The following SLC7A14 variants were observed in gnomAD, a reference collection of about 807,000 sequenced individuals.
SLC7A14 encodes gamma-aminobutyric acid transporter SLC7A14.
SLC7A14 carries 37 observed loss-of-function variants against 60.2 expected under a neutral mutation model. The ratio of observed to expected loss-of-function variants is 0.61; its 90% CI spans 0.47 to 0.81. SLC7A14 has a LOEUF of 0.81. SLC7A14 is among the 30% of genes least tolerant of loss of function. The pLI, the probability that SLC7A14 is intolerant of heterozygous loss-of-function variation, is 0.00. For missense variants in SLC7A14, 886 were observed against 982.7 expected (o/e 0.90, Z 1.32); for synonymous variants, 399 against 395.8 (o/e 1.01, Z -0.10).
intron 2 of SLC7A14, among the ~76,000 whole-genome samples, chr3:170,515,312 G>GCA (rs1553869884): frequency 8.8e-6 from 1 of 113,348 alleles, no homozygotes; most frequent in African/African-American, 3.0e-5. Flanking sequence ...GACTCTGTCC[G>GCA]CCCCCCCCAA....
intron 4 of SLC7A14, chr3:170,496,336 G>A: frequency 5.1e-6 from 6 of 1,165,068 alleles, no homozygotes; most frequent in South Asian, 4.9e-5. Flanking sequence ...GACCTGCGGT[G>A]TACAAAGACT....
rs553513813 is a variant in SLC7A14 at position 170,505,202 on chromosome 3, G to A, written c.305-3857C>T. Reference sequence around the variant, plus strand: ...TCTCTTGTTTGGTTTGGAATTTACCGACTTGATCATCATTTTGGAAGACCA... The same window carrying A: ...TCTCTTGTTTGGTTTGGAATTTACCAACTTGATCATCATTTTGGAAGACCA... On this transcript the variant is annotated intron_variant, in intron 2 of 7. Coordinates refer to ENST00000231706, the MANE Select transcript of SLC7A14 (RefSeq NM_020949.3). Among the ~76,000 whole-genome samples the A allele has an allele frequency of 7.2e-5, 11 of 151,994 alleles. 1 individual carries two copies. Among genetic ancestry groups the A allele is most frequent in the South Asian group, 6.2e-4 (3 of 4,810 alleles).
At chr3:170,496,683 C>T (rs1343970331) in intron 4 of SLC7A14, 2 of 1,051,208 alleles carry the variant, frequency 1.9e-6, no homozygotes, top group Admixed American at 1.7e-5. Flanking sequence ...AGACCACCAG[C>T]GGCTATGCAG....
At chr3:170,501,381 A>G in intron 2 of SLC7A14, 36 bp from the exon 3 acceptor site, 1 of 1,570,250 alleles carries the variant, frequency 6.4e-7, no homozygotes, top group Non-Finnish European at 8.8e-7. Flanking sequence ...GGTGGACTTC[A>G]GGAGATGAGC....
chr3:170,484,701 T>C (rs36006402), intron 5 of SLC7A14, among the ~76,000 whole-genome samples: 83,760 of 152,120 alleles, frequency 0.55, 24,284 homozygotes, highest in Middle Eastern at 0.67. Flanking sequence ...CCAGCAACCT[T>C]GTTCTTCTCA....
intron 2 of SLC7A14, among the ~76,000 whole-genome samples, chr3:170,510,722 C>T (rs16855189): frequency 0.014 from 2,201 of 152,282 alleles, 61 homozygotes; most frequent in African/African-American, 0.051. Context: ...CAGATTGGTC[C>T]TTCTTCATTG....
At chr3:170,582,486 C>T (rs1417907344) in intron 1 of SLC7A14, among the ~76,000 whole-genome samples, 1 of 152,184 alleles carries the variant, frequency 6.6e-6, no homozygotes, top group South Asian at 2.1e-4. Context: ...CTAGCAACTA[C>T]CATGTTGGAC....
rs1044254806 is a variant in SLC7A14, at chr3:170,585,477, G to T, written c.-153+434C>A. 8.5e-5 allele frequency among the ~76,000 whole-genome samples: 13 copies of T among 152,204 alleles called. No individual in the cohort carries two copies. Among genetic ancestry groups the T allele is most frequent in the Admixed American group, 7.8e-4 (12 of 15,290 alleles). ...ATGGTCTCGGTCCGAGGCGGAGAAC[G>T]GAGCTGCCCGTGCGGGGTGCGCGCC... On this transcript the variant is annotated intron_variant, in intron 1 of 7. Coordinates refer to ENST00000231706, the MANE Select transcript of SLC7A14 (RefSeq NM_020949.3). The surrounding 1 kb of genome is among the most constrained non-coding windows in gnomAD (Gnocchi z 5.1).
chr3:170,577,574 C>T (rs148221799), intron 1 of SLC7A14, among the ~76,000 whole-genome samples: 1,896 of 143,898 alleles, frequency 0.013, 43 homozygotes, highest in African/African-American at 0.047. Context: ...GCCGAGATTG[C>T]GCCACTGCAG....
chr3:170,565,483 C>T (rs1043225685), intron 1 of SLC7A14, among the ~76,000 whole-genome samples: 1 of 152,136 alleles, frequency 6.6e-6, no homozygotes, highest in Non-Finnish European at 1.5e-5. Flanking sequence ...TAAGCTAGAA[C>T]AAGATTTGTG....
At position 170,535,163 on chromosome 3, in the gene SLC7A14, C is replaced by T. The variant is rs1713800957; in HGVS notation, c.-152-8075G>A. On this transcript the variant is annotated intron_variant, in intron 1 of 7. Coordinates refer to ENST00000231706, the MANE Select transcript of SLC7A14 (RefSeq NM_020949.3). This position sits in a 1 kb window ranked among gnomAD's most constrained non-coding sequence, Gnocchi z 4.3. ...GGCCACAGTCTGGCATCACCTTCCA[C>T]TCTTCTCCCGCAGATCAGGGTCTCC... Among the ~76,000 whole-genome samples the T allele has an allele frequency of 6.6e-6, 1 of 151,970 alleles. No individual in the cohort carries two copies. Among genetic ancestry groups the T allele is most frequent in the South Asian group, 2.1e-4 (1 of 4,820 alleles).
intron 2 of SLC7A14, among the ~76,000 whole-genome samples, chr3:170,520,530 G>T (rs1713312228): frequency 6.6e-6 from 1 of 152,156 alleles, no homozygotes; most frequent in Non-Finnish European, 1.5e-5. Flanking sequence ...CATGGTAGGA[G>T]CCCAATACAT....
intron 2 of SLC7A14, among the ~76,000 whole-genome samples, chr3:170,504,768 G>A (rs890318058): frequency 2.0e-5 from 3 of 152,134 alleles, no homozygotes; most frequent in African/African-American, 7.2e-5. Flanking sequence ...TACAGCTAAA[G>A]TCAACTCTTA....
Position 170,483,621 on chromosome 3 carries a change from G to C in SLC7A14, c.907-99C>G, listed in dbSNP as rs1288385108. On this transcript the variant is annotated intron_variant, in intron 5 of 7. Coordinates refer to ENST00000231706, the MANE Select transcript of SLC7A14 (RefSeq NM_020949.3). ...AAAGAGCCCTGCCCCTGGAGGCAGAGGCTTGCATGGCAGTTTGGATCCATT... is the reference window on the plus strand; with the variant it reads ...AAAGAGCCCTGCCCCTGGAGGCAGACGCTTGCATGGCAGTTTGGATCCATT... 2.4e-6 allele frequency: 3 copies of C among 1,275,364 alleles called. No homozygotes were observed. The South Asian group carries it at 3.8e-5, about 16-fold the overall frequency. 79.0% of individuals were successfully genotyped at this position (1,275,364 alleles called of 1,614,324 possible). A position where few individuals can be genotyped will look rare whatever the true frequency, so the allele number is the denominator to read the frequency against.
chr3:170,556,618 G>A (rs1323135275), intron 1 of SLC7A14, among the ~76,000 whole-genome samples: 3 of 152,128 alleles, frequency 2.0e-5, no homozygotes, highest in South Asian at 2.1e-4. Context: ...AAAAAAGTTG[G>A]ATGTGCAGGG....
intron 7 of SLC7A14, among the ~76,000 whole-genome samples, chr3:170,472,503 C>T (rs1050098119): frequency 2.0e-5 from 3 of 151,506 alleles, no homozygotes; most frequent in Admixed American, 6.6e-5. Context: ...CGGTGGCTCA[C>T]GCCTGTAATC....
intron 7 of SLC7A14, among the ~76,000 whole-genome samples, chr3:170,475,399 A>G (rs1266546493): frequency 6.6e-6 from 1 of 152,234 alleles, no homozygotes; most frequent in Non-Finnish European, 1.5e-5. Flanking sequence ...TCCCCCAGAA[A>G]GTTACACTAT....
At chr3:170,517,400 C>T (rs896544842) in intron 2 of SLC7A14, among the ~76,000 whole-genome samples, 2 of 152,158 alleles carry the variant, frequency 1.3e-5, no homozygotes, top group Non-Finnish European at 2.9e-5. Context: ...TTGTTAACAG[C>T]AGTTTCCAGA....
At chr3:170,557,627 C>T (rs912849738) in intron 1 of SLC7A14, among the ~76,000 whole-genome samples, 4 of 152,182 alleles carry the variant, frequency 2.6e-5, no homozygotes, top group African/African-American at 4.8e-5. Context: ...GTTCAAATCG[C>T]AGCTCTTTCA....
Sources: gnomAD v4.1 joint callset for allele counts (sites outside exome capture counted in the v4.1 genomes callset) on GRCh38, gnomAD v4.1.1 for gene constraint, Gnocchi (gnomAD v3.1) non-coding constraint, MANE v1.5 for transcripts, NCBI Gene and HGNC (gene_info 2026-07-23, HGNC 2026-07-21) for gene names.